Variants in NOSTRIN observed in about 807,000 individuals in gnomAD.
The protein encoded by NOSTRIN is BM247 homolog.
Under a neutral mutation model 59.0 loss-of-function variants are expected in NOSTRIN, and 63 were observed. That is an observed-to-expected ratio of 1.07 (90% CI 0.87 to 1.32). NOSTRIN has a LOEUF of 1.32. Ranked by LOEUF, NOSTRIN falls within the 40% of genes most tolerant of loss-of-function variation. NOSTRIN has a pLI of 0.00. For missense variants in NOSTRIN, 512 were observed against 473.1 expected (o/e 1.08, Z -0.76); for synonymous variants, 200 against 165.4 (o/e 1.21, Z -1.61).
chr2:168,826,551 G>A (rs10198693), intron 3 of NOSTRIN, among the ~76,000 whole-genome samples: 35,808 of 151,690 alleles, frequency 0.24, 4,948 homozygotes, highest in Middle Eastern at 0.33. Context: ...GATCAGTTAA[G>A]TGAGGGCCAG....
At chr2:168,832,943 A>C (rs1297784009) in intron 6 of NOSTRIN, among the ~76,000 whole-genome samples, 1 of 152,200 alleles carries the variant, frequency 6.6e-6, no homozygotes, top group African/African-American at 2.4e-5. Context: ...TTGTTTTTAA[A>C]AATCCATTTT....
chr2:168,858,024 A>G (rs990734033), intron 12 of NOSTRIN, among the ~76,000 whole-genome samples: 15 of 152,218 alleles, frequency 9.9e-5, no homozygotes, highest in Admixed American at 9.8e-4. Flanking sequence ...ACCCGTGGCT[A>G]CAGTTTTTAT....
intron 1 of NOSTRIN, among the ~76,000 whole-genome samples, chr2:168,808,415 G>A (rs762297924): frequency 9.2e-5 from 14 of 151,942 alleles, no homozygotes; most frequent in East Asian, 3.9e-4. Context: ...TAAATCCCTC[G>A]AATCCATCTC....
Position 168,855,352 on chromosome 2 carries a change from G to T in NOSTRIN, c.856G>T (p.Glu286Ter), listed in dbSNP as rs768928716. 3.3e-6 allele frequency: 5 copies of T among 1,531,814 alleles called. No individual in the cohort carries two copies. Among genetic ancestry groups the T allele is most frequent in the Non-Finnish European group, 4.5e-6 (5 of 1,123,098 alleles). The allele number at this position is 1,531,814 out of a possible 1,614,324, so 94.9% of individuals were successfully genotyped here. Reference sequence around the variant, plus strand: ...TAGACATCCTTCTTTTTTCCTAAAGGAAGAAGATCCTAACAGTGCAATGGA... The same window carrying T: ...TAGACATCCTTCTTTTTTCCTAAAGTAAGAAGATCCTAACAGTGCAATGGA... ...KSEFLLTDYF[E>*]EDPNSAMDKE... is the part of the protein sequence containing the mutation. The change falls in exon 11 of 16, where the codon GAA becomes TAA. Residue 286 changes from glutamate to a stop codon, truncating the protein, a stop_gained and splice_region_variant. Coordinates refer to ENST00000317647, the MANE Select transcript of NOSTRIN (RefSeq NM_001039724.4). LOFTEE classifies it high-confidence loss of function.
At chr2:168,862,202 C>T (rs1449393672) in intron 15 of NOSTRIN, among the ~76,000 whole-genome samples, 153 bp downstream of exon 15, 8 of 152,208 alleles carry the variant, frequency 5.3e-5, no homozygotes, top group Non-Finnish European at 1.2e-4. Flanking sequence ...AACAAAAGCT[C>T]GCATAATGAT....
At chr2:168,828,617 T>TA (rs1366771360) in intron 5 of NOSTRIN, 116 bp downstream of exon 5, 25 of 436,948 alleles carry the variant, frequency 5.7e-5, no homozygotes, top group Non-Finnish European at 8.2e-6. Context: ...ATCCTAAAAA[T>TA]AAAATAAATA....
At chr2:168,808,257 G>T (rs1330195520) in intron 1 of NOSTRIN, among the ~76,000 whole-genome samples, 1 of 152,178 alleles carries the variant, frequency 6.6e-6, no homozygotes, top group Non-Finnish European at 1.5e-5. Flanking sequence ...AGGGTCCCTT[G>T]TTCTCTCCCA....
At chr2:168,854,604 A>AT (rs1456492317) in intron 10 of NOSTRIN, among the ~76,000 whole-genome samples, 3 of 151,780 alleles carry the variant, frequency 2.0e-5, no homozygotes, top group Admixed American at 6.6e-5. Context: ...TTCTTCCCCT[A>AT]TTTTTTTGCT....
intron 12 of NOSTRIN, 54 bp from the exon 13 acceptor site, chr2:168,859,458 G>C: frequency 6.2e-7 from 1 of 1,603,868 alleles, no homozygotes. Context: ...TTCCTATCCA[G>C]TTGTGCCTCA....
rs1233642620 is a variant in NOSTRIN, at chr2:168,850,868, G to A, written c.631-216G>A. ...ACAGCATCTGCCTATATGCCTTTTG[G>A]GTCAAAAGAGCCTGGGGAAAGTGTG... On this transcript the variant is annotated intron_variant, in intron 8 of 15. Coordinates refer to ENST00000317647, the MANE Select transcript of NOSTRIN (RefSeq NM_001039724.4). 5 of 796,304 alleles carry A rather than the reference G, an allele frequency of 6.3e-6. No homozygotes were observed. The Admixed American group carries it at 8.0e-5, about 13-fold the overall frequency. The allele number at this position is 796,304 out of a possible 1,614,324, so 49.3% of individuals were successfully genotyped here. A position where few individuals can be genotyped will look rare whatever the true frequency, so the allele number is the denominator to read the frequency against.
chr2:168,815,556 A>G (rs919943103), intron 2 of NOSTRIN, among the ~76,000 whole-genome samples: 5 of 152,246 alleles, frequency 3.3e-5, no homozygotes, highest in African/African-American at 4.8e-5. Context: ...AGAAAAGAAT[A>G]AAAGAAGGAG....
intron 2 of NOSTRIN, among the ~76,000 whole-genome samples, chr2:168,821,660 G>T (rs755252390): frequency 6.6e-6 from 1 of 152,258 alleles, no homozygotes; most frequent in South Asian, 2.1e-4. Flanking sequence ...TTTTTTAGAC[G>T]GGGCAAACCT....
At chr2:168,806,969 A>G (rs1173193156) in intron 1 of NOSTRIN, among the ~76,000 whole-genome samples, 2 of 152,230 alleles carry the variant, frequency 1.3e-5, no homozygotes, top group Non-Finnish European at 2.9e-5. Context: ...CAGATTAGCC[A>G]TTTATAAATG....
intron 1 of NOSTRIN, among the ~76,000 whole-genome samples, chr2:168,803,144 C>T (rs151237874): frequency 6.6e-6 from 1 of 152,250 alleles, no homozygotes; most frequent in Non-Finnish European, 1.5e-5. Flanking sequence ...AGGATAGACT[C>T]CCCACTCTGC....
chr2:168,828,554 T>G, intron 5 of NOSTRIN, 53 bp downstream of exon 5: 2 of 717,120 alleles, frequency 2.8e-6, no homozygotes, highest in Non-Finnish European at 4.7e-6. Flanking sequence ...TTCCTGTGTT[T>G]AGCCCAGAAA....
chr2:168,852,505 G>A (rs1397927697), intron 10 of NOSTRIN, among the ~76,000 whole-genome samples: 1 of 152,154 alleles, frequency 6.6e-6, no homozygotes. Context: ...ACCAAAACCT[G>A]CAGAAAGAAT....
chr2:168,857,527 C>A (rs1479104718), intron 12 of NOSTRIN, among the ~76,000 whole-genome samples: 1 of 152,090 alleles, frequency 6.6e-6, no homozygotes, highest in Non-Finnish European at 1.5e-5. Flanking sequence ...TGAACTCTAG[C>A]CCCATAGACA....
intron 2 of NOSTRIN, chr2:168,788,192 A>T (rs1166147881): frequency 6.6e-6 from 1 of 150,964 alleles, no homozygotes; most frequent in Non-Finnish European, 1.5e-5. Context: ...GTGAGCTATG[A>T]TGGTGCCACT....
upstream of NOSTRIN, among the ~76,000 whole-genome samples, chr2:168,798,813 C>CGATAGATA (rs57650807): frequency 0.049 from 7,326 of 149,290 alleles, 544 homozygotes; most frequent in African/African-American, 0.16. Context: ...ATCGATCGAT[C>CGATAGATA]GATAGATAGA....
Sources: allele counts gnomAD v4.1 joint callset (sites outside exome capture counted in the v4.1 genomes callset), GRCh38; gene constraint gnomAD v4.1.1; transcripts MANE v1.5; gene names NCBI Gene and HGNC (gene_info 2026-07-23, HGNC 2026-07-21).